Variants in LDB1 observed in about 807,000 individuals in gnomAD.
LDB1 encodes LIM domain binding 1.
Under a neutral mutation model 49.7 loss-of-function variants are expected in LDB1, and 6 were observed. That is an observed-to-expected ratio of 0.12 (90% CI 0.07 to 0.24). LDB1 has a LOEUF of 0.24. Ranked by LOEUF, LDB1 falls within the 10% of genes least tolerant of loss-of-function variation. LDB1 has a pLI of 1.00. For missense variants in LDB1, 341 were observed against 561.7 expected (o/e 0.61, Z 3.97); for synonymous variants, 233 against 202.0 (o/e 1.15, Z -1.30).
Position 102,111,288 on chromosome 10 carries a change from C to T in LDB1, c.141G>A (p.Met47Ile). ...MLDRDVGPTP[M>I]YPPTYLEPGI... ...CTGGCTCCAGGTATGTAGGCGGATA[C>T]ATGGGAGTTGGGCTGTGTAAAGGAA... Residue 47 changes from methionine to isoleucine, a missense_variant, in exon 3 of 11, where the codon ATG becomes ATA. Around this residue, in one of 5 missense-constraint regions of LDB1, gnomAD observed 48 missense variants for 43.9 expected, o/e 1.09. Transcript: ENST00000673968. The T allele has an allele frequency of 6.2e-7, 1 of 1,614,104 alleles. No homozygotes were observed. Among genetic ancestry groups the T allele is most frequent in the Non-Finnish European group, 8.5e-7 (1 of 1,180,008 alleles).
rs558516308 is a variant in LDB1 at position 102,106,541 on chromosome 10, CAAAAAAAAAAAAAAAAAAAAAAAAAAA to C, written c.*1525_*1551del. ...GGTACCATACATGACTCAAATGGCC[CAAAAAAAAAAAAAAAAAAAAAAAAAAA>C]AAAAAAAAAAAAAAAAGGCATTACA... On this transcript the variant is annotated 3_prime_UTR_variant, in exon 11 of 11. Coordinates refer to ENST00000673968, the MANE Select transcript of LDB1 (RefSeq NM_001113407.3). Among the ~76,000 whole-genome samples, 40 of 17,786 alleles carry C rather than the reference CAAAAAAAAAAAAAAAAAAAAAAAAAAA, an allele frequency of 2.2e-3. 1 individual carries two copies. In the South Asian group the frequency reaches 0.059, roughly 26 times the overall value. 11.7% of individuals were successfully genotyped at this position (17,786 alleles called of 152,430 possible). A position where few individuals can be genotyped will look rare whatever the true frequency, so the allele number is the denominator to read the frequency against.
intron 1 of LDB1, 98 bp downstream of exon 1, chr10:102,119,988 A>G: frequency 2.1e-6 from 2 of 953,550 alleles, no homozygotes; most frequent in Non-Finnish European, 2.9e-6. Context: ...CCCCCATGCC[A>G]TCGACGCCCC....
chr10:102,105,826 A>C (rs2068153839), downstream of LDB1, among the ~76,000 whole-genome samples: 1 of 151,752 alleles, frequency 6.6e-6, no homozygotes, highest in Non-Finnish European at 1.5e-5. Flanking sequence ...AAAATACAAA[A>C]ATTAGCCAGG....
Position 102,110,655 on chromosome 10 carries a change from C to T in LDB1, c.399G>A (p.Glu133=), listed in dbSNP as rs199713070. ...CATAGTACAGCTCCGTAGCACCCCC[C>T]TCAAAGATGCTGCGGAAGTAGCGTG... ...LIPRYFRSIF[E]GGATELYYVL... is the part of the protein sequence containing the mutation. Residue 133 remains glutamate, a synonymous_variant, in exon 6 of 11, where the codon GAG becomes GAA. Transcript: ENST00000673968. 13 of 1,613,776 alleles carry T rather than the reference C, an allele frequency of 8.1e-6. No homozygotes were observed. The highest frequency in any genetic ancestry group is 9.3e-6 in the Non-Finnish European group (11 of 1,179,884).
intron 1 of LDB1, among the ~76,000 whole-genome samples, chr10:102,112,596 C>T (rs2068271377): frequency 6.9e-6 from 1 of 145,472 alleles, no homozygotes; most frequent in Non-Finnish European, 1.5e-5. Context: ...TCAGCCCAGC[C>T]CCCACCCCCG....
intron 2 of LDB1, 66 bp downstream of exon 2, chr10:102,111,368 C>G: frequency 6.2e-7 from 1 of 1,600,184 alleles, no homozygotes; most frequent in South Asian, 1.1e-5. Context: ...GGGGGCTACT[C>G]CCTCCCCTTT....
intron 1 of LDB1, among the ~76,000 whole-genome samples, chr10:102,115,168 G>T (rs2068320226): frequency 6.6e-6 from 1 of 152,094 alleles, no homozygotes; most frequent in Admixed American, 6.5e-5. Context: ...ATCAGATTGG[G>T]CCAGGAGAGA....
In LDB1 at chr10:102,109,191, C is replaced by CG. The variant is rs778987800; in HGVS notation, c.857-15dup. The CG allele has an allele frequency of 1.2e-6, 2 of 1,613,060 alleles. No individual in the cohort carries two copies. The highest frequency in any genetic ancestry group is 1.7e-6 in the Non-Finnish European group (2 of 1,179,868). On this transcript the variant is annotated splice_polypyrimidine_tract_variant and intron_variant, in intron 9 of 10. Coordinates refer to ENST00000673968, the MANE Select transcript of LDB1 (RefSeq NM_001113407.3). The surrounding 1 kb of genome is among the most constrained non-coding windows in gnomAD (Gnocchi z 5.8). ...GTGTGGGCTCCGCTGTGCCGGTAAA[C>CG]GGAGACTCAGATGGGAGAGGGCCCC...
At position 102,107,140 on chromosome 10, in the gene LDB1, C is replaced by G. The variant is rs1250150055; in HGVS notation, c.*953G>C. ...CAACAAGGCTGCTCCCTTCTCTCCA[C>G]GCTCCCTAAGGGAAGGAGCCTCCCC... On this transcript the variant is annotated 3_prime_UTR_variant, in exon 11 of 11. Transcript: ENST00000673968. 6.6e-6 allele frequency among the ~76,000 whole-genome samples: 1 copy of G among 152,150 alleles called. No homozygotes were observed. The highest frequency in any genetic ancestry group is 1.5e-5 in the Non-Finnish European group (1 of 68,028).
intron 6 of LDB1, 98 bp from the exon 7 acceptor site, chr10:102,110,141 C>G: frequency 7.3e-7 from 1 of 1,365,098 alleles, no homozygotes; most frequent in Non-Finnish European, 1.0e-6. Flanking sequence ...TCTCCCATTG[C>G]ATACACTTTT....
At chr10:102,111,978 G>A (rs2068262394) in intron 1 of LDB1, among the ~76,000 whole-genome samples, 1 of 151,988 alleles carries the variant, frequency 6.6e-6, no homozygotes, top group African/African-American at 2.4e-5. Context: ...CTAGGGGAGG[G>A]GGCTACTCTA....
chr10:102,119,079 G>A (rs777778530), intron 1 of LDB1, among the ~76,000 whole-genome samples: 6 of 152,144 alleles, frequency 3.9e-5, no homozygotes, highest in Non-Finnish European at 7.4e-5. Context: ...GTGGGGGAGT[G>A]GTGGGTGTCC....
downstream of LDB1, among the ~76,000 whole-genome samples, chr10:102,105,284 C>A (rs1199459313): frequency 6.6e-6 from 1 of 152,124 alleles, no homozygotes; most frequent in African/African-American, 2.4e-5. Flanking sequence ...AATAGCATTC[C>A]TTGGGGTCCT....
At chr10:102,110,193 C>T in intron 6 of LDB1, 150 bp from the exon 7 acceptor site, 4 of 847,206 alleles carry the variant, frequency 4.7e-6, no homozygotes, top group Admixed American at 2.6e-5. Context: ...TGTCACAGTA[C>T]CCCCCACCCA....
chr10:102,104,237 T>C (rs1326135603), downstream of LDB1, among the ~76,000 whole-genome samples: 25 of 152,010 alleles, frequency 1.6e-4, no homozygotes, highest in Admixed American at 1.6e-3. Flanking sequence ...GGACAGAGGT[T>C]TGGGGTTGGG....
At position 102,109,227 on chromosome 10, in the gene LDB1, T is replaced by G; in HGVS notation, c.857-50A>C. Reference sequence around the variant, plus strand: ...ATGGGAGAGGGCCCCAGGTCCCCTATTCTCCATTGTGGCTCCCAAGGAGCA... The same window carrying G: ...ATGGGAGAGGGCCCCAGGTCCCCTAGTCTCCATTGTGGCTCCCAAGGAGCA... On this transcript the variant is annotated intron_variant, in intron 9 of 10. Coordinates refer to ENST00000673968, the MANE Select transcript of LDB1 (RefSeq NM_001113407.3). The surrounding 1 kb of genome is among the most constrained non-coding windows in gnomAD (Gnocchi z 5.8). 1 of 1,611,250 alleles carries G rather than the reference T, an allele frequency of 6.2e-7. No homozygotes were observed. The highest frequency in any genetic ancestry group is 1.1e-5 in the South Asian group (1 of 90,966).
At chr10:102,108,432 C>T (rs1263717850) in intron 10 of LDB1, 109 bp from the exon 11 acceptor site, 5 of 764,020 alleles carry the variant, frequency 6.5e-6, no homozygotes, top group Non-Finnish European at 1.1e-5. Context: ...CAAGAGTCCC[C>T]ACCCCCTCCT....
intron 1 of LDB1, among the ~76,000 whole-genome samples, chr10:102,112,696 G>A (rs2068273303): frequency 6.6e-6 from 1 of 151,924 alleles, no homozygotes; most frequent in Non-Finnish European, 1.5e-5. Context: ...GGGGAAGCAG[G>A]CAGATGAGCC....
At chr10:102,120,458 C>G (rs1429526346), upstream of LDB1, 1 of 924,190 alleles carries the variant, frequency 1.1e-6, no homozygotes, top group Non-Finnish European at 1.3e-6. Context: ...CCCTCGCGCT[C>G]GCGCTCCCTC....
Sources: gnomAD v4.1 joint callset for allele counts (sites outside exome capture counted in the v4.1 genomes callset) on GRCh38, gnomAD v4.1.1 for gene constraint, gnomAD v4.1.1 regional missense constraint, Gnocchi (gnomAD v3.1) non-coding constraint, MANE v1.5 for transcripts, NCBI Gene and HGNC (gene_info 2026-07-23, HGNC 2026-07-21) for gene names.